Variants in WDR37 observed in about 807,000 individuals in gnomAD.
WDR37 encodes WD repeat-containing protein 37.
In WDR37, 19 loss-of-function variants were observed where a neutral mutation model predicts 62.9. The ratio of observed to expected loss-of-function variants is 0.30; its 90% CI spans 0.21 to 0.44. The LOEUF (loss-of-function observed/expected upper bound fraction) is 0.44, where lower values mean the gene tolerates loss of function less well. Among genes scored for constraint, WDR37 ranks in the 20% least tolerant of loss-of-function variants. The pLI, the probability that WDR37 is intolerant of heterozygous loss-of-function variation, is 1.00. For missense variants in WDR37, 474 were observed against 657.6 expected, an observed-to-expected ratio of 0.72 and a Z score of 3.05; for synonymous variants, 250 against 260.9, an observed-to-expected ratio of 0.96 and a Z score of 0.40.
At chr10:1,101,808 A>G (rs1291506414) in intron 9 of WDR37, among the ~76,000 whole-genome samples, 1 of 152,088 alleles carries the variant, frequency 6.6e-6, no homozygotes, top group Non-Finnish European at 1.5e-5. Context: ...CATCCGACTC[A>G]CGTGCGACCT....
In WDR37 at chr10:1,074,571, C is replaced by A. The variant is rs957458024; in HGVS notation, c.138+2278C>A. 7.0e-6 allele frequency: 9 copies of A among 1,286,992 alleles called. No homozygotes were observed. In the African/African-American group the frequency reaches 1.2e-4, roughly 18 times the overall value. 79.7% of individuals were successfully genotyped at this position (1,286,992 alleles called of 1,614,324 possible). A position where few individuals can be genotyped will look rare whatever the true frequency, so the allele number is the denominator to read the frequency against. Reference sequence around the variant, plus strand: ...CCCTGGGCGGGAGAGGTGAGTGGCCCCCGTGAGGTGCTCTGCCTTCCCCCT... The same window carrying A: ...CCCTGGGCGGGAGAGGTGAGTGGCCACCGTGAGGTGCTCTGCCTTCCCCCT... On this transcript the variant is annotated intron_variant, in intron 2 of 13. Transcript: ENST00000263150.
chr10:1,126,157 G>C (rs1835742214), intron 13 of WDR37, among the ~76,000 whole-genome samples: 1 of 152,180 alleles, frequency 6.6e-6, no homozygotes, highest in South Asian at 2.1e-4. Context: ...TGTAATCGTA[G>C]CACTTTGGGA....
intron 9 of WDR37, among the ~76,000 whole-genome samples, chr10:1,100,224 G>A (rs761232569): frequency 1.3e-5 from 2 of 152,216 alleles, no homozygotes; most frequent in Non-Finnish European, 2.9e-5. Flanking sequence ...TGGGGCTGGT[G>A]TTGGGGGTTC....
chr10:1,081,029 C>G (rs7101059), intron 5 of WDR37, among the ~76,000 whole-genome samples: 14,076 of 152,034 alleles, frequency 0.093, 1,314 homozygotes, highest in African/African-American at 0.25. Flanking sequence ...TATAATTTCT[C>G]TTGTTAATTG....
rs373937534 is a variant in WDR37 at position 1,072,182 on chromosome 10, G to A, written c.27G>A (p.Ser9=). The change falls in exon 2 of 14, where the codon TCG becomes TCA. Residue 9 remains serine, a synonymous_variant. Transcript: ENST00000263150. MPTESASC[S]TARQTKQKRK... ...TGCCCACAGAAAGCGCAAGTTGTTC[G>A]ACTGCTCGCCAAACAAAACAGAAGC... 1.3e-5 allele frequency: 21 copies of A among 1,613,942 alleles called. 1 individual carries two copies. Among genetic ancestry groups the A allele is most frequent in the African/African-American group, 9.3e-5 (7 of 74,876 alleles).
chr10:1,106,065 G>A (rs1487487939), intron 11 of WDR37, among the ~76,000 whole-genome samples: 2 of 152,130 alleles, frequency 1.3e-5, no homozygotes, highest in East Asian at 1.9e-4. Context: ...GATTACAGGC[G>A]TGAGCCACCG....
intron 13 of WDR37, among the ~76,000 whole-genome samples, chr10:1,126,244 A>G (rs1835750678): frequency 6.6e-6 from 1 of 151,966 alleles, no homozygotes; most frequent in African/African-American, 2.4e-5. Flanking sequence ...TCTCTAATAA[A>G]AATACAAAAA....
chr10:1,126,267 G>C (rs377423879), intron 13 of WDR37, among the ~76,000 whole-genome samples: 2 of 151,998 alleles, frequency 1.3e-5, no homozygotes, highest in African/African-American at 4.8e-5. Context: ...TCAGCCAGGC[G>C]TGGTGGCGGG....
intron 9 of WDR37, 72 bp downstream of exon 9, chr10:1,096,318 T>C (rs149336580): frequency 2.2e-5 from 33 of 1,520,112 alleles, no homozygotes; most frequent in Non-Finnish European, 2.9e-5. Flanking sequence ...ATTTATGATA[T>C]CTGTCATGGA....
chr10:1,129,092 C>A, intron 13 of WDR37, 121 bp from the exon 14 acceptor site: 1 of 1,405,114 alleles, frequency 7.1e-7, no homozygotes, highest in Non-Finnish European at 9.6e-7. Context: ...TGATCCTGCA[C>A]ACCATGTTGT....
intron 9 of WDR37, among the ~76,000 whole-genome samples, chr10:1,099,533 A>T (rs11250260): frequency 0.4 from 61,408 of 152,160 alleles, 13,298 homozygotes; most frequent in South Asian, 0.53. Flanking sequence ...TTTAGTCCTA[A>T]TAGAGGTTAT....
intron 2 of WDR37, among the ~76,000 whole-genome samples, chr10:1,076,500 A>G (rs1484316360): frequency 6.6e-6 from 1 of 151,596 alleles, no homozygotes; most frequent in Non-Finnish European, 1.5e-5. Context: ...TAACACTGTG[A>G]AACCATGTCT....
At chr10:1,104,986 C>CCA in intron 10 of WDR37, 140 bp from the exon 11 acceptor site, 1 of 1,039,178 alleles carries the variant, frequency 9.6e-7, no homozygotes, top group Non-Finnish European at 1.3e-6. Context: ...CCACTGTGAC[C>CCA]CACATGCTGC....
chr10:1,128,793 C>T (rs763810237), intron 13 of WDR37, among the ~76,000 whole-genome samples: 1 of 152,018 alleles, frequency 6.6e-6, no homozygotes, highest in South Asian at 2.1e-4. Flanking sequence ...CACGTCCTGG[C>T]GGCTCTGCCG....
intron 11 of WDR37, among the ~76,000 whole-genome samples, chr10:1,114,762 G>T (rs748053830): frequency 6.6e-6 from 1 of 152,212 alleles, no homozygotes; most frequent in Non-Finnish European, 1.5e-5. Context: ...TTTTCTGTTC[G>T]TGTGTTTTTC....
intron 10 of WDR37, among the ~76,000 whole-genome samples, chr10:1,104,574 C>T (rs1834942775): frequency 6.6e-6 from 1 of 152,188 alleles, no homozygotes; most frequent in Non-Finnish European, 1.5e-5. Flanking sequence ...TCTGCAAAAT[C>T]CTTTTTGCCT....
chr10:1,119,581 G>A (rs1835507800), intron 11 of WDR37, among the ~76,000 whole-genome samples: 1 of 152,186 alleles, frequency 6.6e-6, no homozygotes, highest in South Asian at 2.1e-4. Flanking sequence ...ATGTTGCAGA[G>A]GCTTCTTGTA....
chr10:1,086,799 C>T (rs538061011), intron 7 of WDR37, among the ~76,000 whole-genome samples: 3 of 147,212 alleles, frequency 2.0e-5, no homozygotes, highest in South Asian at 2.2e-4. Flanking sequence ...ACGTAGTTAA[C>T]GCTGTCCATG....
Position 1,105,029 on chromosome 10 carries a change from C to CA in WDR37, c.962-96dup. On this transcript the variant is annotated intron_variant, in intron 10 of 13. Transcript: ENST00000263150. This position sits in a 1 kb window ranked among gnomAD's most constrained non-coding sequence, Gnocchi z 5.3. ...TTCCATTAGGTCAGGTTCACAGTCT[C>CA]AGAGAGACGGCTTCTTGGGTTCTTG... The CA allele has an allele frequency of 1.3e-6, 2 of 1,481,568 alleles. No homozygotes were observed. The highest frequency in any genetic ancestry group is 1.8e-6 in the Non-Finnish European group (2 of 1,092,102). The allele number at this position is 1,481,568 out of a possible 1,614,324, so 91.8% of individuals were successfully genotyped here. A position where few individuals can be genotyped will look rare whatever the true frequency, so the allele number is the denominator to read the frequency against.
Sources: gnomAD v4.1 joint callset for allele counts (sites outside exome capture counted in the v4.1 genomes callset) on GRCh38, gnomAD v4.1.1 for gene constraint, Gnocchi (gnomAD v3.1) non-coding constraint, MANE v1.5 for transcripts, NCBI Gene and HGNC (gene_info 2026-07-23, HGNC 2026-07-21) for gene names.